Variants in OR2Z1 observed in about 807,000 individuals in gnomAD.
OR2Z1 encodes the protein olfactory receptor family 2 subfamily Z member 1.
For missense variants in OR2Z1, 449 were observed against 401.8 expected (o/e 1.12, Z -1.00); for synonymous variants, 188 against 160.6 (o/e 1.17, Z -1.29).
chr19:8,731,548 G>A lies in OR2Z1; in HGVS notation c.520G>A (p.Val174Met). ...TTTTCCCTACTGTGCCTCCCGTATT[G>A]TGGATCACTTCTTCTGTGAGGTGCC... is the stretch of plus-strand genomic sequence containing the variant. Reference protein sequence around the residue: ...LHFPYCASRIVDHFFCEVPAL... With the variant: ...LHFPYCASRIMDHFFCEVPAL... Residue 174 changes from valine (V) to methionine (M), a missense_variant, in exon 3 of 3, where the codon GTG becomes ATG. Coordinates refer to ENST00000641125, the MANE Select transcript of OR2Z1 (RefSeq NM_001004699.3). The A allele has an allele frequency of 6.2e-7, 1 of 1,614,024 alleles. No individual in the cohort carries two copies. The highest frequency in any genetic ancestry group is 8.5e-7 in the Non-Finnish European group (1 of 1,180,020).
intron 2 of OR2Z1, among the ~76,000 whole-genome samples, chr19:8,725,534 C>T (rs929596092): frequency 3.3e-5 from 5 of 152,156 alleles, no homozygotes; most frequent in African/African-American, 9.7e-5. Context: ...TGAGCCACTA[C>T]GCCCAGCCAA....
intron 2 of OR2Z1, among the ~76,000 whole-genome samples, chr19:8,730,427 T>C (rs2043346955): frequency 8.0e-6 from 1 of 124,326 alleles, no homozygotes; most frequent in African/African-American, 2.7e-5. Flanking sequence ...TTGAACCGCA[T>C]TTTTTTTTTT....
At chr19:8,728,670 T>G in intron 2 of OR2Z1, 1 of 498,282 alleles carries the variant, frequency 2.0e-6, no homozygotes, top group Admixed American at 2.4e-5. Flanking sequence ...TAGTACCCAA[T>G]AGGTAGTTTT....
chr19:8,731,055 C>T lies in OR2Z1; in HGVS notation c.27C>T (p.Ala9=), dbSNP rs782075980. The change falls in exon 3 of 3, where the codon GCC becomes GCT. Residue 9 remains alanine (A), a synonymous_variant. Transcript: ENST00000641125. MGDVNQSV[A]SDFILVGLFS... Reference sequence around the variant, plus strand: ...TGGGGGATGTGAATCAGTCGGTGGCCTCAGACTTCATTCTGGTGGGCCTCT... The same window carrying T: ...TGGGGGATGTGAATCAGTCGGTGGCTTCAGACTTCATTCTGGTGGGCCTCT... The T allele has an allele frequency of 1.9e-6, 3 of 1,614,008 alleles. No homozygotes were observed. Among genetic ancestry groups the T allele is most frequent in the Non-Finnish European group, 2.5e-6 (3 of 1,180,008 alleles).
In OR2Z1 at chr19:8,721,641, C is replaced by T. The variant is rs1043648463; in HGVS notation, c.-616C>T. 3.3e-5 allele frequency: 5 copies of T among 152,242 alleles called. No homozygotes were observed. Among genetic ancestry groups the T allele is most frequent in the African/African-American group, 1.2e-4 (5 of 41,446 alleles). The allele number at this position is 152,242 out of a possible 1,614,324, so 9.4% of individuals were successfully genotyped here. Reference sequence around the variant, plus strand: ...GTCTACCTCTTGGACATTTGCCAACCTGCACGCTGGATGCATCTTACCTTG... The same window carrying T: ...GTCTACCTCTTGGACATTTGCCAACTTGCACGCTGGATGCATCTTACCTTG... On this transcript the variant is annotated 5_prime_UTR_variant, in exon 1 of 3. Coordinates refer to ENST00000641125, the MANE Select transcript of OR2Z1 (RefSeq NM_001004699.3).
intron 2 of OR2Z1, chr19:8,728,865 T>C: frequency 1.6e-6 from 1 of 644,762 alleles, no homozygotes; most frequent in South Asian, 1.4e-5. Flanking sequence ...ATAGAGCTAC[T>C]TCACATGCTG....
rs58741481 is a variant in OR2Z1 at position 8,731,440 on chromosome 19, C to A, written c.412C>A (p.Arg138Ser). Residue 138 changes from arginine to serine, a missense_variant, in exon 3 of 3, where the codon CGC becomes AGC. Coordinates refer to ENST00000641125, the MANE Select transcript of OR2Z1 (RefSeq NM_001004699.3). ...CCTGCAGTATCCTGTACTTATGAGA[C>A]GCCAGGTATGTCTGCTGATGATGGG... ...QPLQYPVLMRRQVCLLMMGSS... is the reference protein window; with the variant it reads ...QPLQYPVLMRSQVCLLMMGSS... 2.9e-5 allele frequency: 46 copies of A among 1,613,916 alleles called. No homozygotes were observed. The highest frequency in any genetic ancestry group is 3.6e-5 in the Non-Finnish European group (43 of 1,180,028).
chr19:8,723,011 C>T (rs782658474), intron 1 of OR2Z1, 95 bp from the exon 2 acceptor site: 1 of 151,896 alleles, frequency 6.6e-6, no homozygotes, highest in Non-Finnish European at 1.5e-5. Context: ...GGCTCTGTTC[C>T]CTCTACCAAA....
At position 8,730,894 on chromosome 19, in the gene OR2Z1, T is replaced by A. The variant is rs2043349567; in HGVS notation, c.-135T>A. 3.0e-6 allele frequency: 2 copies of A among 669,458 alleles called. No individual in the cohort carries two copies. The highest frequency in any genetic ancestry group is 5.4e-5 in the Admixed American group (2 of 37,098). The allele number at this position is 669,458 out of a possible 1,614,324, so 41.5% of individuals were successfully genotyped here. A position where few individuals can be genotyped will look rare whatever the true frequency, so the allele number is the denominator to read the frequency against. ...TCTAGCTGCAGCCTCATTACTCTTC[T>A]CAAGACACCATCCCAGGAAGCCACT... On this transcript the variant is annotated 5_prime_UTR_variant, in exon 3 of 3. Transcript: ENST00000641125.
intron 2 of OR2Z1, among the ~76,000 whole-genome samples, chr19:8,724,486 G>A (rs1470505870): frequency 6.6e-6 from 1 of 152,086 alleles, no homozygotes; most frequent in Non-Finnish European, 1.5e-5. Context: ...GCCTCCCAAA[G>A]TGCTGAGATT....
intron 2 of OR2Z1, among the ~76,000 whole-genome samples, chr19:8,726,213 C>T (rs1555756168): frequency 1.3e-5 from 2 of 152,146 alleles, no homozygotes; most frequent in African/African-American, 4.8e-5. Flanking sequence ...GATCGGCCCG[C>T]CTTGGCCTCC....
chr19:8,727,421 A>C (rs916426012), intron 2 of OR2Z1, among the ~76,000 whole-genome samples: 15 of 152,032 alleles, frequency 9.9e-5, no homozygotes, highest in African/African-American at 3.6e-4. Context: ...TTCATAACTC[A>C]CTCTGACTCC....
intron 1 of OR2Z1, among the ~76,000 whole-genome samples, chr19:8,722,341 G>A (rs1266429824): frequency 6.6e-6 from 1 of 151,886 alleles, no homozygotes; most frequent in Non-Finnish European, 1.5e-5. Context: ...GTGATCATTT[G>A]GCTACTAAAG....
chr19:8,729,337 A>G lies in OR2Z1; in HGVS notation c.-169-1523A>G, dbSNP rs2043341086. The stretch of plus-strand genomic sequence containing the variant: ...CCACTGATAAGTGAGAACATGTGGT[A>G]TTTGGTTTTGTTTCTGCCTTAATTC... On this transcript the variant is annotated intron_variant, in intron 2 of 2. Coordinates refer to ENST00000641125, the MANE Select transcript of OR2Z1 (RefSeq NM_001004699.3). 1.7e-5 allele frequency: 7 copies of G among 413,970 alleles called. No individual in the cohort carries two copies. In the South Asian group the frequency reaches 1.8e-4, roughly 10 times the overall value. 25.6% of individuals were successfully genotyped at this position (413,970 alleles called of 1,614,324 possible).
chr19:8,725,442 C>A (rs1183675034), intron 2 of OR2Z1, among the ~76,000 whole-genome samples: 2 of 152,144 alleles, frequency 1.3e-5, no homozygotes, highest in African/African-American at 4.8e-5. Context: ...AGGGTTTCAC[C>A]TTGTTGGCTG....
At chr19:8,723,396 C>T (rs139739592) in intron 2 of OR2Z1, among the ~76,000 whole-genome samples, 1 of 152,236 alleles carries the variant, frequency 6.6e-6, no homozygotes, top group East Asian at 1.9e-4. Context: ...AGAGTTTCAT[C>T]CCCTGGGTAC....
In OR2Z1 at chr19:8,727,455, T is replaced by G. The variant is rs1043881636; in HGVS notation, c.-169-3405T>G. On this transcript the variant is annotated intron_variant, in intron 2 of 2. Coordinates refer to ENST00000641125, the MANE Select transcript of OR2Z1 (RefSeq NM_001004699.3). Reference sequence around the variant, plus strand: ...CCTTAGAAAACAATTCAATAAAAACTCAGACGAGTTAATGGGTGCAGCACA... The same window carrying G: ...CCTTAGAAAACAATTCAATAAAAACGCAGACGAGTTAATGGGTGCAGCACA... Among the ~76,000 whole-genome samples the G allele has an allele frequency of 3.9e-5, 6 of 152,108 alleles. No homozygotes were observed. The East Asian group carries it at 1.2e-3, about 29-fold the overall frequency.
intron 2 of OR2Z1, chr19:8,729,258 C>T: frequency 1.7e-6 from 1 of 600,796 alleles, no homozygotes; most frequent in Non-Finnish European, 3.0e-6. Flanking sequence ...CCTCTGAAGT[C>T]CCCAGTGTCT....
intron 2 of OR2Z1, among the ~76,000 whole-genome samples, chr19:8,724,004 G>GTGTGTGTGTGTGTGTGTT (rs2043317446): frequency 7.8e-6 from 1 of 128,392 alleles, no homozygotes; most frequent in Admixed American, 7.2e-5. Context: ...GTGTGTGTGT[G>GTGTGTGTGTGTGTGTGTT]TGTGTGTATG....
Sources: gnomAD v4.1 joint callset for allele counts (sites outside exome capture counted in the v4.1 genomes callset) on GRCh38, gnomAD v4.1.1 for gene constraint, MANE v1.5 for transcripts, NCBI Gene and HGNC (gene_info 2026-07-23, HGNC 2026-07-21) for gene names.